Variants in GNPAT observed in about 807,000 individuals in gnomAD.
The protein encoded by GNPAT is dihydroxyacetone phosphate acyltransferase.
Under a neutral mutation model 78.4 loss-of-function variants are expected in GNPAT, and 30 were observed. The observed-to-expected ratio is 0.38, with a 90% CI of 0.29 to 0.52. The LOEUF (loss-of-function observed/expected upper bound fraction) is 0.52, where lower values mean the gene tolerates loss of function less well. Ranked by LOEUF, GNPAT falls within the 20% of genes least tolerant of loss-of-function variation. The pLI is 0.84. For missense variants in GNPAT, 714 were observed against 812.2 expected, an observed-to-expected ratio of 0.88 and a Z score of 1.47; for synonymous variants, 271 against 281.1, an observed-to-expected ratio of 0.96 and a Z score of 0.36.
intron 12 of GNPAT, 22 bp from the exon 13 acceptor site, chr1:231,275,199 T>C (rs1371576721): frequency 7.2e-7 from 1 of 1,387,212 alleles, no homozygotes; most frequent in Non-Finnish European, 1.0e-6. Flanking sequence ...TCTGTTCCCC[T>C]CATCCTTCCT....
rs1281440310 is a variant in GNPAT at position 231,277,872 on chromosome 1, A to G, written c.*330A>G. ...AAACTTTTATGTTGACTTTTGAATT[A>G]AAGTATGACAACACTGAAAGCTCTG... On this transcript the variant is annotated 3_prime_UTR_variant, in exon 16 of 16. Coordinates refer to ENST00000366647, the MANE Select transcript of GNPAT (RefSeq NM_014236.4). 1 of 211,060 alleles carries G rather than the reference A, an allele frequency of 4.7e-6. No individual in the cohort carries two copies. Among genetic ancestry groups the G allele is most frequent in the Middle Eastern group, 1.7e-3 (1 of 586 alleles). 13.1% of individuals were successfully genotyped at this position (211,060 alleles called of 1,614,324 possible). A position where few individuals can be genotyped will look rare whatever the true frequency, so the allele number is the denominator to read the frequency against.
rs191864643 is a variant in GNPAT, at chr1:231,249,330, A to G, written c.79-1631A>G. ...TGGACATAAAAATGTTCATGTTTGT[A>G]TGTTTCACCTGCCACCCTTTTATAA... On this transcript the variant is annotated intron_variant, in intron 1 of 15. Transcript: ENST00000366647. 3.8e-3 allele frequency among the ~76,000 whole-genome samples: 573 copies of G among 152,296 alleles called. 6 individuals are homozygous for G. The highest frequency in any genetic ancestry group is 0.013 in the African/African-American group (547 of 41,562).
chr1:231,247,866 G>T (rs536721347), intron 1 of GNPAT, among the ~76,000 whole-genome samples: 1 of 152,130 alleles, frequency 6.6e-6, no homozygotes, highest in Non-Finnish European at 1.5e-5. Context: ...GAGGTGGGGG[G>T]TCATGAAGAG....
chr1:231,273,860 A>G, intron 11 of GNPAT, 62 bp from the exon 12 acceptor site: 1 of 1,340,980 alleles, frequency 7.5e-7, no homozygotes, highest in East Asian at 2.3e-5. Context: ...GGGTACATGT[A>G]TTCAGATGGG....
chr1:231,264,968 A>G (rs1345627069), intron 4 of GNPAT, among the ~76,000 whole-genome samples: 3 of 152,234 alleles, frequency 2.0e-5, no homozygotes, highest in Non-Finnish European at 4.4e-5. Context: ...CTTCTTTTCT[A>G]TAATTCTATT....
In GNPAT at chr1:231,272,399, G is replaced by A; in HGVS notation, c.1602+8G>A. 1.4e-6 allele frequency: 2 copies of A among 1,450,872 alleles called. No individual in the cohort carries two copies. The highest frequency in any genetic ancestry group is 1.1e-5 in the South Asian group (1 of 87,510). 89.9% of individuals were successfully genotyped at this position (1,450,872 alleles called of 1,614,324 possible). On this transcript the variant is annotated splice_region_variant and intron_variant, in intron 11 of 15. Transcript: ENST00000366647. Reference sequence around the variant, plus strand: ...CCAGGAAACACACTAAAGGTAAAGTGCTTACAACAAAGAGCAAGTATGTTT... The same window carrying A: ...CCAGGAAACACACTAAAGGTAAAGTACTTACAACAAAGAGCAAGTATGTTT...
intron 6 of GNPAT, 69 bp from the exon 7 acceptor site, chr1:231,265,945 C>T: frequency 7.6e-7 from 1 of 1,308,714 alleles, no homozygotes. Context: ...TTAGTATTTT[C>T]CGTTTATGTG....
At chr1:231,261,484 A>G (rs1482851401) in intron 3 of GNPAT, among the ~76,000 whole-genome samples, 1 of 152,104 alleles carries the variant, frequency 6.6e-6, no homozygotes, top group Non-Finnish European at 1.5e-5. Flanking sequence ...CGTGTCAGCA[A>G]TGCATGGTGC....
chr1:231,246,320 A>G (rs993257354), intron 1 of GNPAT, among the ~76,000 whole-genome samples: 6 of 152,220 alleles, frequency 3.9e-5, no homozygotes, highest in African/African-American at 1.4e-4. Flanking sequence ...TGGTATCACT[A>G]AATGAATTTA....
chr1:231,272,285 A>T (rs1213009497), intron 10 of GNPAT, 27 bp from the exon 11 acceptor site: 2 of 1,264,926 alleles, frequency 1.6e-6, no homozygotes, highest in Admixed American at 1.7e-5. Flanking sequence ...GCAATGTTGT[A>T]ATTTTACATG....
chr1:231,268,735 G>A (rs944251769), intron 9 of GNPAT, among the ~76,000 whole-genome samples: 28 of 150,932 alleles, frequency 1.9e-4, no homozygotes, highest in Non-Finnish European at 3.5e-4. Context: ...GTGAAACTCC[G>A]TCTCTACTAA....
At chr1:231,253,171 A>G (rs915867028) in intron 2 of GNPAT, among the ~76,000 whole-genome samples, 1 of 151,650 alleles carries the variant, frequency 6.6e-6, no homozygotes, top group African/African-American at 2.4e-5. Context: ...GGGTTTCACC[A>G]TGTTAGCAAG....
intron 2 of GNPAT, chr1:231,258,361 G>C (rs1424228582): frequency 2.0e-5 from 3 of 152,182 alleles, no homozygotes; most frequent in Admixed American, 6.5e-5. Context: ...TCTTCCATCT[G>C]TCCCTTTTAG....
intron 1 of GNPAT, among the ~76,000 whole-genome samples, chr1:231,242,851 A>G (rs1684651499): frequency 6.6e-6 from 1 of 152,212 alleles, no homozygotes; most frequent in Non-Finnish European, 1.5e-5. Context: ...GTATCTGAGC[A>G]TTCTGTAGTT....
At chr1:231,265,919 T>C (rs894729242) in intron 6 of GNPAT, 95 bp from the exon 7 acceptor site, 2 of 1,087,674 alleles carry the variant, frequency 1.8e-6, no homozygotes, top group Admixed American at 1.7e-5. Context: ...ACGGGATTAG[T>C]GTATAATGTA....
chr1:231,252,068 G>A (rs75749737), intron 2 of GNPAT, among the ~76,000 whole-genome samples: 4,427 of 152,336 alleles, frequency 0.029, 92 homozygotes, highest in Middle Eastern at 0.048. Flanking sequence ...GTGCAAAGAT[G>A]TTGAAAGGTT....
intron 1 of GNPAT, 25 bp from the exon 2 acceptor site, chr1:231,250,936 C>T (rs2102802162): frequency 1.4e-6 from 2 of 1,481,354 alleles, no homozygotes; most frequent in African/African-American, 1.4e-5. Flanking sequence ...AGTATGTGCT[C>T]ATTACTTTCT....
chr1:231,250,853 C>T (rs1558325773), intron 1 of GNPAT, 108 bp from the exon 2 acceptor site: 13 of 750,826 alleles, frequency 1.7e-5, no homozygotes, highest in South Asian at 2.9e-5. Context: ...CTCCTGTTCA[C>T]GTCATAGAGT....
At chr1:231,277,424 C>A in intron 15 of GNPAT, 75 bp from the exon 16 acceptor site, 2 of 878,466 alleles carry the variant, frequency 2.3e-6, no homozygotes, top group South Asian at 1.3e-5. Context: ...CCTGGACAGT[C>A]GCCCAAGGAA....
Sources: gnomAD v4.1 joint callset for allele counts (sites outside exome capture counted in the v4.1 genomes callset) on GRCh38, gnomAD v4.1.1 for gene constraint, MANE v1.5 for transcripts, NCBI Gene and HGNC (gene_info 2026-07-23, HGNC 2026-07-21) for gene names.